Variants in MEGF10 observed in about 807,000 individuals in gnomAD.
The protein encoded by MEGF10 is multiple EGF like domains 10.
Under a neutral mutation model 147.5 loss-of-function variants are expected in MEGF10, and 86 were observed. The ratio of observed to expected loss-of-function variants is 0.58; its 90% CI spans 0.49 to 0.70. The LOEUF (loss-of-function observed/expected upper bound fraction) is 0.70, where lower values mean the gene tolerates loss of function less well. Among genes scored for constraint, MEGF10 ranks in the 30% least tolerant of loss-of-function variants. The pLI is 0.00. For missense variants in MEGF10, 1,329 were observed against 1,487.3 expected (o/e 0.89, Z 1.75); for synonymous variants, 478 against 525.5 (o/e 0.91, Z 1.24).
At chr5:127,375,466 T>C (rs1762990420) in intron 5 of MEGF10, among the ~76,000 whole-genome samples, 1 of 152,244 alleles carries the variant, frequency 6.6e-6, no homozygotes, top group South Asian at 2.1e-4. Context: ...AATGAAATCA[T>C]GATTTATTTG....
At chr5:127,338,143 T>G (rs937851739) in intron 2 of MEGF10, among the ~76,000 whole-genome samples, 4 of 152,096 alleles carry the variant, frequency 2.6e-5, no homozygotes, top group African/African-American at 9.7e-5. Flanking sequence ...TTAACTTCCT[T>G]CCTTCCTATT....
the MEGF10 span, among the ~76,000 whole-genome samples, chr5:127,237,689 G>A: frequency 6.6e-6 from 1 of 152,084 alleles, no homozygotes; most frequent in Non-Finnish European, 1.5e-5. Context: ...GGACTGTTTA[G>A]GTAAGCAAGC....
the MEGF10 span, among the ~76,000 whole-genome samples, chr5:127,258,736 C>G: frequency 6.6e-6 from 1 of 152,272 alleles, no homozygotes; most frequent in South Asian, 2.1e-4. Context: ...CTCTCTTGCT[C>G]TCTCCTGTCC....
At chr5:127,310,306 T>G (rs1179455457) in intron 1 of MEGF10, among the ~76,000 whole-genome samples, 1 of 152,032 alleles carries the variant, frequency 6.6e-6, no homozygotes, top group East Asian at 1.9e-4. Context: ...CTTTTTATAT[T>G]GTTGATATTG....
At chr5:127,303,509 G>T (rs1420985760) in intron 1 of MEGF10, among the ~76,000 whole-genome samples, 2 of 152,142 alleles carry the variant, frequency 1.3e-5, no homozygotes, top group African/African-American at 4.8e-5. Context: ...AAGACAATAA[G>T]GAGACTATTG....
Position 127,440,832 on chromosome 5 carries a change from GC to G in MEGF10, c.2329del (p.Arg777AlafsTer29). ...DCDHISGQCT[C>X]RTGFMGRHCE... ...GACCACATTTCTGGGCAGTGTACTT[GC>G]CGCACTGGATTCATGGGACGGCACT... On this transcript the variant is annotated frameshift_variant, in exon 18 of 25. Transcript: ENST00000503335. LOFTEE classifies it high-confidence loss of function. The G allele has an allele frequency of 6.2e-7, 1 of 1,614,128 alleles. No individual in the cohort carries two copies. The highest frequency in any genetic ancestry group is 8.5e-7 in the Non-Finnish European group (1 of 1,179,982).
the MEGF10 span, among the ~76,000 whole-genome samples, chr5:127,249,565 T>A: frequency 1.3e-5 from 2 of 152,046 alleles, no homozygotes; most frequent in Non-Finnish European, 2.9e-5. Flanking sequence ...TTACATTGAA[T>A]GTAAATGTAC....
At chr5:127,356,744 C>T (rs544302239) in intron 4 of MEGF10, among the ~76,000 whole-genome samples, 2 of 152,168 alleles carry the variant, frequency 1.3e-5, no homozygotes, top group East Asian at 3.9e-4. Context: ...TAGTTGAATC[C>T]CTCTAGTGTG....
chr5:127,306,983 T>G (rs2546084), intron 1 of MEGF10, among the ~76,000 whole-genome samples: 100,357 of 151,994 alleles, frequency 0.66, 33,489 homozygotes, highest in Middle Eastern at 0.8. Context: ...CAAATGAAAA[T>G]CATTGACAGT....
rs375480261 is a variant in MEGF10 at position 127,435,394 on chromosome 5, C to T, written c.2009C>T (p.Ala670Val). The change falls in exon 16 of 25, where the codon GCA becomes GTA. Residue 670 changes from alanine (A) to valine (V), a missense_variant. Physicochemically the swap from Ala to Val is moderately conservative, Grantham distance 64. Coordinates refer to ENST00000503335, the MANE Select transcript of MEGF10 (RefSeq NM_001256545.2). ...AGTGGCAGATTTGGGAAAAACTGTG[C>T]AGGAATTTGTACCTGCACCAACAAC... Reference protein sequence around the residue: ...CPSGRFGKNCAGICTCTNNGT... With the variant: ...CPSGRFGKNCVGICTCTNNGT... The T allele has an allele frequency of 2.5e-6, 4 of 1,614,090 alleles. No individual in the cohort carries two copies. The highest frequency in any genetic ancestry group is 3.4e-6 in the Non-Finnish European group (4 of 1,179,992).
the MEGF10 span, among the ~76,000 whole-genome samples, chr5:127,238,522 A>T: frequency 6.6e-6 from 1 of 152,192 alleles, no homozygotes; most frequent in Non-Finnish European, 1.5e-5. Context: ...GACACCAGCC[A>T]TATAGGAAGA....
At chr5:127,309,157 T>C (rs1336604876) in intron 1 of MEGF10, among the ~76,000 whole-genome samples, 1 of 152,250 alleles carries the variant, frequency 6.6e-6, no homozygotes, top group Non-Finnish European at 1.5e-5. Context: ...AATTCATGAA[T>C]GTCTGTCTTA....
intron 4 of MEGF10, among the ~76,000 whole-genome samples, chr5:127,354,335 C>T (rs1171749827): frequency 1.3e-5 from 2 of 152,142 alleles, no homozygotes; most frequent in Non-Finnish European, 1.5e-5. Context: ...TTGGGAGTCA[C>T]AATAACTGTT....
In MEGF10 at chr5:127,434,714, G is replaced by A. The variant is rs766501362; in HGVS notation, c.1868G>A (p.Arg623His). ...RICSPGFYGHRCSQTCPQCVH... is the reference protein window; with the variant it reads ...RICSPGFYGHHCSQTCPQCVH... ...TGCTCCCCTGGTTTTTATGGGCATC[G>A]CTGCAGCCAGACATGCCCACAGTGC... The change falls in exon 15 of 25, where the codon CGC (arginine) becomes CAC (histidine). Residue 623 changes from arginine (R) to histidine (H), a missense_variant. Arg to His is a conservative substitution (Grantham distance 29). Around this residue, in one of 3 missense-constraint regions of MEGF10, gnomAD observed 980 missense variants for 1,085.9 expected, o/e 0.90. Coordinates refer to ENST00000503335, the MANE Select transcript of MEGF10 (RefSeq NM_001256545.2). 1.9e-5 allele frequency: 31 copies of A among 1,612,676 alleles called. No homozygotes were observed. Among genetic ancestry groups the A allele is most frequent in the Non-Finnish European group, 2.2e-5 (26 of 1,179,460 alleles).
intron 2 of MEGF10, 90 bp downstream of exon 2, chr5:127,331,514 T>A (rs1761261023): frequency 1.3e-6 from 1 of 742,362 alleles, no homozygotes. Flanking sequence ...AATTAGAATT[T>A]GTGAAGAGAT....
At chr5:127,305,862 A>T (rs905776291) in intron 1 of MEGF10, among the ~76,000 whole-genome samples, 10 of 152,230 alleles carry the variant, frequency 6.6e-5, no homozygotes, top group Admixed American at 5.9e-4. Context: ...CTGCACAATC[A>T]TCTTTGGTTG....
intron 9 of MEGF10, among the ~76,000 whole-genome samples, chr5:127,412,062 T>C (rs1402218918): frequency 1.3e-5 from 2 of 152,232 alleles, no homozygotes; most frequent in Non-Finnish European, 2.9e-5. Flanking sequence ...AGTGGAGAAT[T>C]AGTTAATTGA....
the MEGF10 span, among the ~76,000 whole-genome samples, chr5:127,261,613 G>T: frequency 6.6e-6 from 1 of 152,128 alleles, no homozygotes; most frequent in East Asian, 1.9e-4. Context: ...TACATGTTGA[G>T]TGTATACTTA....
chr5:127,293,753 A>G (rs1759368755), intron 1 of MEGF10, among the ~76,000 whole-genome samples: 1 of 152,214 alleles, frequency 6.6e-6, no homozygotes, highest in African/African-American at 2.4e-5. Flanking sequence ...TGTTGAAAAT[A>G]TAGATTCCAG....
Sources: allele counts gnomAD v4.1 joint callset (sites outside exome capture counted in the v4.1 genomes callset), GRCh38; gene constraint gnomAD v4.1.1; regional missense constraint gnomAD v4.1.1; transcripts MANE v1.5; gene names NCBI Gene and HGNC (gene_info 2026-07-23, HGNC 2026-07-21).